The following SPIRE1 variants were observed in gnomAD, a reference collection of about 807,000 sequenced individuals.
SPIRE1 encodes spire type actin nucleation factor 1, also known as protein spire homolog 1.
SPIRE1 carries 40 observed loss-of-function variants against 94.1 expected under a neutral mutation model. The ratio of observed to expected loss-of-function variants is 0.43; its 90% confidence interval spans 0.33 to 0.55. SPIRE1 has a LOEUF of 0.55. SPIRE1 is among the 20% of genes least tolerant of loss of function. The pLI is 0.06. For synonymous variants in SPIRE1, 376 were observed against 371.7 expected (o/e 1.01, Z -0.13); for missense variants, 838 against 975.2 (o/e 0.86, Z 1.87).
intron 4 of SPIRE1, among the ~76,000 whole-genome samples, chr18:12,521,306 T>C (rs2034350957): frequency 6.6e-6 from 1 of 152,126 alleles, no homozygotes; most frequent in African/African-American, 2.4e-5. Context: ...CTCATTTTAC[T>C]GCCTTTCGCT....
chr18:12,654,208 A>ATG (rs2144905883), intron 1 of SPIRE1, among the ~76,000 whole-genome samples: 3 of 151,332 alleles, frequency 2.0e-5, no homozygotes, highest in Non-Finnish European at 2.9e-5. Context: ...ATGGTGGTAC[A>ATG]CACCTGTAAT....
At position 12,540,163 on chromosome 18, in the gene SPIRE1, C is replaced by T. The variant is rs542322010; in HGVS notation, c.604-4562G>A. ...TTAAAACCCAAACTCTTCAGTGTTC[C>T]TCAAGTCCTTCGTCATCTAGCTCAC... On this transcript the variant is annotated intron_variant, in intron 3 of 16. Transcript: ENST00000409402. 3.3e-5 allele frequency among the ~76,000 whole-genome samples: 5 copies of T among 152,222 alleles called. No homozygotes were observed. In the South Asian group the frequency reaches 1.0e-3, roughly 32 times the overall value.
intron 2 of SPIRE1, among the ~76,000 whole-genome samples, chr18:12,604,226 G>A (rs561712033): frequency 6.6e-6 from 1 of 152,260 alleles, no homozygotes; most frequent in East Asian, 1.9e-4. Flanking sequence ...CCTATTACTT[G>A]CGATTGGTGC....
chr18:12,568,891 G>A (rs2035882713), intron 2 of SPIRE1, among the ~76,000 whole-genome samples: 1 of 152,126 alleles, frequency 6.6e-6, no homozygotes, highest in African/African-American at 2.4e-5. Context: ...GATCCAGCGT[G>A]ATCCAGCCTG....
chr18:12,644,961 C>T (rs866511805), intron 1 of SPIRE1, among the ~76,000 whole-genome samples: 18 of 152,000 alleles, frequency 1.2e-4, no homozygotes, highest in East Asian at 1.9e-4. Context: ...AGAGAGCGGC[C>T]GGGCACCATG....
chr18:12,475,587 T>G lies in SPIRE1; in HGVS notation c.1404+4112A>C, dbSNP rs188243213. On this transcript the variant is annotated intron_variant, in intron 10 of 16. Transcript: ENST00000409402. ...CACTAAAAAGTAGGGAACAAAAAAT[T>G]ACTATAAAATGTGAACGAAAAAAAA... Among the ~76,000 whole-genome samples the G allele has an allele frequency of 2.5e-3, 387 of 152,188 alleles. 5 individuals are homozygous for G. The highest frequency in any genetic ancestry group is 9.0e-3 in the African/African-American group (374 of 41,536).
At chr18:12,532,732 A>C (rs1169376464) in intron 4 of SPIRE1, among the ~76,000 whole-genome samples, 1 of 152,250 alleles carries the variant, frequency 6.6e-6, no homozygotes, top group Non-Finnish European at 1.5e-5. Context: ...ACATGTATAA[A>C]AATGTTCTAT....
intron 2 of SPIRE1, among the ~76,000 whole-genome samples, chr18:12,625,904 G>A (rs28647784): frequency 0.38 from 57,216 of 151,858 alleles, 11,613 homozygotes; most frequent in East Asian, 0.6. Flanking sequence ...TTAGCTGGGC[G>A]TGGTGGCGGC....
At chr18:12,587,158 C>T (rs2036411190) in intron 2 of SPIRE1, among the ~76,000 whole-genome samples, 1 of 152,144 alleles carries the variant, frequency 6.6e-6, no homozygotes, top group African/African-American at 2.4e-5. Context: ...ACAGGTAGAG[C>T]CACTAAAAAG....
chr18:12,456,682 T>A (rs1481734344), intron 12 of SPIRE1, among the ~76,000 whole-genome samples: 2 of 152,132 alleles, frequency 1.3e-5, no homozygotes, highest in Non-Finnish European at 2.9e-5. Context: ...CAGATGGTGA[T>A]TTTTTTCATT....
intron 4 of SPIRE1, among the ~76,000 whole-genome samples, chr18:12,530,621 C>T (rs1163006964): frequency 6.6e-6 from 1 of 152,078 alleles, no homozygotes; most frequent in African/African-American, 2.4e-5. Flanking sequence ...AGGCCTTCCT[C>T]CCCATTTTTA....
At chr18:12,450,042 T>C (rs1202458327) in intron 16 of SPIRE1, 146 bp from the exon 17 acceptor site, 2 of 901,738 alleles carry the variant, frequency 2.2e-6, no homozygotes, top group African/African-American at 3.4e-5. Flanking sequence ...TCTAAAAAAA[T>C]TTCTTATTGG....
At chr18:12,478,258 G>T (rs1006566412) in intron 10 of SPIRE1, among the ~76,000 whole-genome samples, 1 of 151,944 alleles carries the variant, frequency 6.6e-6, no homozygotes, top group Non-Finnish European at 1.5e-5. Context: ...CATGCACGCA[G>T]GTGTGTGTAT....
chr18:12,546,916 T>TA lies in SPIRE1; in HGVS notation c.373-13dup, dbSNP rs1567924285. The TA allele has an allele frequency of 1.3e-6, 2 of 1,584,676 alleles. No individual in the cohort carries two copies. The highest frequency in any genetic ancestry group is 1.1e-5 in the South Asian group (1 of 88,708). On this transcript the variant is annotated splice_polypyrimidine_tract_variant and intron_variant, in intron 2 of 16. Coordinates refer to ENST00000409402, the MANE Select transcript of SPIRE1 (RefSeq NM_001128626.2). ...AAAGATTCAATGACCTAGGAACATT[T>TA]AAAAAAGTGGTTAATGGAGATGAAT... is the stretch of plus-strand genomic sequence containing the variant.
intron 10 of SPIRE1, among the ~76,000 whole-genome samples, chr18:12,478,621 G>T (rs1338809971): frequency 6.6e-6 from 1 of 151,184 alleles, no homozygotes; most frequent in African/African-American, 2.4e-5. Context: ...GTGTGTGTGC[G>T]CGCGCATGCG....
At position 12,479,757 on chromosome 18, in the gene SPIRE1, T is replaced by C; in HGVS notation, c.1346A>G (p.Gln449Arg). 6.2e-7 allele frequency: 1 copy of C among 1,614,146 alleles called. No homozygotes were observed. The highest frequency in any genetic ancestry group is 8.5e-7 in the Non-Finnish European group (1 of 1,179,998). Residue 449 changes from glutamine (Q) to arginine (R), a missense_variant, in exon 10 of 17, where the codon CAG (glutamine) becomes CGG (arginine). Transcript: ENST00000409402. ...TGGGGCTCTGAGGAGCTTCTTCCGC[T>C]GTGCAGGCACCTGCTGTGAGGTACT... ...GLSTSQQVPA[Q>R]RKKLLRAPTL...
intron 1 of SPIRE1, among the ~76,000 whole-genome samples, chr18:12,647,237 A>C (rs1434684840): frequency 3.9e-5 from 6 of 152,252 alleles, no homozygotes; most frequent in East Asian, 1.9e-4. Flanking sequence ...ACTTTGGAAA[A>C]TTTCTGGCAA....
intron 4 of SPIRE1, among the ~76,000 whole-genome samples, chr18:12,534,172 A>G (rs1488779230): frequency 6.6e-6 from 1 of 152,202 alleles, no homozygotes; most frequent in African/African-American, 2.4e-5. Flanking sequence ...CAATGGATCT[A>G]TTTAAGGGTG....
chr18:12,512,387 A>T (rs75398815), intron 5 of SPIRE1, 67 bp downstream of exon 5: 1 of 68,482 alleles, frequency 1.5e-5, no homozygotes, highest in Non-Finnish European at 3.2e-5. Context: ...ACTCTGTCTC[A>T]AAAAAAAAAA....
Sources: allele counts gnomAD v4.1 joint callset (sites outside exome capture counted in the v4.1 genomes callset), GRCh38; gene constraint gnomAD v4.1.1; transcripts MANE v1.5; gene names NCBI Gene and HGNC (gene_info 2026-07-23, HGNC 2026-07-21).